TFDP1: variants seen among roughly 807,000 people sequenced by gnomAD.
The protein encoded by TFDP1 is transcription factor Dp-1.
In TFDP1, 6 loss-of-function variants were observed where a neutral mutation model predicts 48.0. The ratio of observed to expected loss-of-function variants is 0.13; its 90% CI spans 0.07 to 0.25. The LOEUF (loss-of-function observed/expected upper bound fraction) is 0.25. Among genes scored for constraint, TFDP1 ranks in the 10% least tolerant of loss-of-function variants. The pLI, the probability that TFDP1 is intolerant of heterozygous loss-of-function variation, is 1.00. For synonymous variants in TFDP1, 201 were observed against 211.6 expected (o/e 0.95, Z 0.44); for missense variants, 335 against 543.0 (o/e 0.62, Z 3.81).
chr13:113,618,901 G>C (rs1026814673), intron 3 of TFDP1, among the ~76,000 whole-genome samples: 29 of 152,336 alleles, frequency 1.9e-4, no homozygotes, highest in Middle Eastern at 3.4e-3. Flanking sequence ...ATTTGTCTGT[G>C]TTTCAGACGC....
intron 11 of TFDP1, among the ~76,000 whole-genome samples, chr13:113,638,153 G>A (rs866513804): frequency 2.6e-4 from 40 of 152,188 alleles, no homozygotes; most frequent in Admixed American, 8.5e-4. Flanking sequence ...AGTAAAGTAG[G>A]AATGAAAACC....
chr13:113,638,116 GT>G (rs901056574), intron 11 of TFDP1, among the ~76,000 whole-genome samples: 3 of 151,570 alleles, frequency 2.0e-5, no homozygotes, highest in Non-Finnish European at 2.9e-5. Flanking sequence ...ATACATGGTG[GT>G]TTTTTTTTCA....
intron 4 of TFDP1, among the ~76,000 whole-genome samples, chr13:113,629,518 G>A (rs1349329800): frequency 2.6e-5 from 4 of 152,120 alleles, no homozygotes; most frequent in East Asian, 1.9e-4. Context: ...CCATACGACC[G>A]TCCTATTTTT....
chr13:113,639,307 T>A (rs966344195), intron 11 of TFDP1, among the ~76,000 whole-genome samples: 1 of 152,234 alleles, frequency 6.6e-6, no homozygotes, highest in African/African-American at 2.4e-5. Flanking sequence ...TTCAGACTTG[T>A]CAGTTTTTCA....
chr13:113,630,730 T>G (rs903407713), intron 4 of TFDP1, among the ~76,000 whole-genome samples: 3 of 152,244 alleles, frequency 2.0e-5, no homozygotes, highest in African/African-American at 7.2e-5. Flanking sequence ...TTTGCCTGTA[T>G]GAGGGTGTCC....
Position 113,598,414 on chromosome 13 carries a change from T to TC in TFDP1, c.12+12566dup, listed in dbSNP as rs375083837. On this transcript the variant is annotated intron_variant, in intron 2 of 11. Coordinates refer to ENST00000375370, the MANE Select transcript of TFDP1 (RefSeq NM_007111.5). The surrounding 1 kb of genome is among the most constrained non-coding windows in gnomAD (Gnocchi z 4.2). ...ATAGATTATATAGATTAGAGCAGCC[T>TC]CTCCTGGGAGAGGGATGCTGGGTGC... Among the ~76,000 whole-genome samples, 23 of 152,224 alleles carry TC rather than the reference T, an allele frequency of 1.5e-4. No homozygotes were observed. Among genetic ancestry groups the TC allele is most frequent in the African/African-American group, 5.3e-4 (22 of 41,536 alleles).
chr13:113,592,115 G>C (rs1252155224), intron 2 of TFDP1, among the ~76,000 whole-genome samples: 1 of 152,204 alleles, frequency 6.6e-6, no homozygotes, highest in Non-Finnish European at 1.5e-5. Context: ...AGGATGAAGA[G>C]TTATATCTGC....
Position 113,623,887 on chromosome 13 carries a change from C to T in TFDP1, c.186+601C>T, listed in dbSNP as rs983180618. Among the ~76,000 whole-genome samples, 5 of 152,204 alleles carry T rather than the reference C, an allele frequency of 3.3e-5. No homozygotes were observed. Among genetic ancestry groups the T allele is most frequent in the South Asian group, 4.1e-4 (2 of 4,832 alleles). ...TTTCCTGTCTCGTGTCCGCCCTCTGCGTCCTTGCCGGTGGCAGCCTACTGG... is the reference window on the plus strand; with the variant it reads ...TTTCCTGTCTCGTGTCCGCCCTCTGTGTCCTTGCCGGTGGCAGCCTACTGG... On this transcript the variant is annotated intron_variant, in intron 4 of 11. Coordinates refer to ENST00000375370, the MANE Select transcript of TFDP1 (RefSeq NM_007111.5). This position sits in a 1 kb window ranked among gnomAD's most constrained non-coding sequence, Gnocchi z 5.2.
chr13:113,588,261 C>T (rs999513382), intron 2 of TFDP1, among the ~76,000 whole-genome samples: 1 of 152,244 alleles, frequency 6.6e-6, no homozygotes, highest in Non-Finnish European at 1.5e-5. Flanking sequence ...GGCAGGCCTC[C>T]AGCTTCTAAG....
chr13:113,629,887 G>A (rs2049288161), intron 4 of TFDP1, among the ~76,000 whole-genome samples: 1 of 152,180 alleles, frequency 6.6e-6, no homozygotes, highest in Non-Finnish European at 1.5e-5. Context: ...TGGGATTCCT[G>A]GGGAAGGGAG....
At chr13:113,611,744 T>A (rs567855342) in intron 3 of TFDP1, among the ~76,000 whole-genome samples, 3 of 152,384 alleles carry the variant, frequency 2.0e-5, no homozygotes, top group African/African-American at 7.2e-5. Context: ...TGATGTGCGA[T>A]GCTTGGCCCC....
chr13:113,631,544 A>G (rs2049337234), intron 4 of TFDP1, 79 bp from the exon 5 acceptor site: 1 of 1,520,262 alleles, frequency 6.6e-7, no homozygotes, highest in African/African-American at 1.4e-5. Context: ...GTGGCTGCGG[A>G]TAGCGAACAG....
intron 2 of TFDP1, among the ~76,000 whole-genome samples, chr13:113,588,134 G>A (rs2048050621): frequency 6.6e-6 from 1 of 152,260 alleles, no homozygotes; most frequent in Non-Finnish European, 1.5e-5. Flanking sequence ...ACAGGCGTGA[G>A]CCGCTGTGCC....
chr13:113,626,533 C>T (rs759652081), intron 4 of TFDP1, among the ~76,000 whole-genome samples: 9 of 152,000 alleles, frequency 5.9e-5, no homozygotes, highest in Non-Finnish European at 1.2e-4. Context: ...CCGCAGCCCC[C>T]CTCCCCGTGT....
intron 2 of TFDP1, among the ~76,000 whole-genome samples, chr13:113,600,591 C>G (rs970927272): frequency 6.8e-6 from 1 of 147,276 alleles, no homozygotes; most frequent in Non-Finnish European, 1.5e-5. Flanking sequence ...AACCCAGGAC[C>G]CAGGACCGTG....
intron 2 of TFDP1, among the ~76,000 whole-genome samples, chr13:113,587,044 T>C (rs1185108983): frequency 6.6e-6 from 1 of 152,158 alleles, no homozygotes; most frequent in Non-Finnish European, 1.5e-5. Context: ...AGAGCACGCT[T>C]CTGGTGTTGT....
intron 9 of TFDP1, 134 bp from the exon 10 acceptor site, chr13:113,636,400 G>A (rs984604062): frequency 6.5e-5 from 71 of 1,089,212 alleles, no homozygotes; most frequent in Non-Finnish European, 9.5e-5. Flanking sequence ...TATAAATTCT[G>A]TGAGGAGACA....
chr13:113,628,031 G>A (rs1367143283), intron 4 of TFDP1, among the ~76,000 whole-genome samples: 2 of 152,198 alleles, frequency 1.3e-5, no homozygotes, highest in African/African-American at 4.8e-5. Context: ...GTTTTCTAAC[G>A]ACTGCTGGCG....
chr13:113,597,744 G>A (rs1338131715), intron 2 of TFDP1, among the ~76,000 whole-genome samples: 1 of 152,232 alleles, frequency 6.6e-6, no homozygotes, highest in Non-Finnish European at 1.5e-5. Context: ...CCAGCCACGA[G>A]GGGCTGATCT....
Sources: gnomAD v4.1 joint callset for allele counts (sites outside exome capture counted in the v4.1 genomes callset) on GRCh38, gnomAD v4.1.1 for gene constraint, Gnocchi (gnomAD v3.1) non-coding constraint, MANE v1.5 for transcripts, NCBI Gene and HGNC (gene_info 2026-07-23, HGNC 2026-07-21) for gene names.